The following MAGI1 variants were observed in gnomAD, a reference collection of about 807,000 sequenced individuals.
MAGI1 encodes membrane associated guanylate kinase, WW and PDZ domain containing 1.
Under a neutral mutation model 139.9 loss-of-function variants are expected in MAGI1, and 58 were observed. That is an observed-to-expected ratio of 0.41 (90% confidence interval 0.34 to 0.52). The LOEUF (loss-of-function observed/expected upper bound fraction) is 0.52, where lower values mean the gene tolerates loss of function less well. Ranked by LOEUF, MAGI1 falls within the 20% of genes least tolerant of loss-of-function variation. The pLI, the probability that MAGI1 is intolerant of heterozygous loss-of-function variation, is 0.12. For missense variants in MAGI1, 1,874 were observed against 1,901.6 expected, an observed-to-expected ratio of 0.99 and a Z score of 0.27; for synonymous variants, 812 against 737.9, an observed-to-expected ratio of 1.10 and a Z score of -1.63.
intron 2 of MAGI1, among the ~76,000 whole-genome samples, chr3:65,616,964 T>A (rs1373174890): frequency 1.3e-5 from 2 of 152,216 alleles, no homozygotes; most frequent in Non-Finnish European, 2.9e-5. Flanking sequence ...AAGAGAAAAC[T>A]GTAAGTTCAA....
At chr3:65,549,017 A>G (rs1308274204) in intron 2 of MAGI1, among the ~76,000 whole-genome samples, 1 of 152,170 alleles carries the variant, frequency 6.6e-6, no homozygotes, top group Non-Finnish European at 1.5e-5. Flanking sequence ...AGGCGGAACG[A>G]GCCTGCGGCT....
At chr3:65,523,259 A>C (rs1442226721) in intron 2 of MAGI1, among the ~76,000 whole-genome samples, 1 of 152,182 alleles carries the variant, frequency 6.6e-6, no homozygotes, top group African/African-American at 2.4e-5. Context: ...CAAGAGTAGA[A>C]AACTCTAATT....
chr3:65,422,454 T>A (rs1221190766), intron 12 of MAGI1, among the ~76,000 whole-genome samples: 1 of 152,104 alleles, frequency 6.6e-6, no homozygotes, highest in African/African-American at 2.4e-5. Flanking sequence ...GCTGTGTGAC[T>A]GGGGGGTGGT....
At position 65,804,287 on chromosome 3, in the gene MAGI1, A is replaced by C. The variant is rs182200193; in HGVS notation, c.314-182199T>G. Reference sequence around the variant, plus strand: ...AGATGGCTTAGTAAAAAAAAAAAAAAACACACACAGTGACATCAGAACATT... The same window carrying C: ...AGATGGCTTAGTAAAAAAAAAAAAACACACACACAGTGACATCAGAACATT... On this transcript the variant is annotated intron_variant, in intron 1 of 22. Transcript: ENST00000402939. Among the ~76,000 whole-genome samples the C allele has an allele frequency of 1.8e-3, 259 of 142,810 alleles. 1 individual carries two copies. The highest frequency in any genetic ancestry group is 5.3e-3 in the African/African-American group (204 of 38,646). 93.7% of individuals were successfully genotyped at this position (142,810 alleles called of 152,430 possible). A position where few individuals can be genotyped will look rare whatever the true frequency, so the allele number is the denominator to read the frequency against.
Position 65,381,952 on chromosome 3 carries a change from C to A in MAGI1, c.2626G>T (p.Val876Leu). 2 of 1,614,158 alleles carry A rather than the reference C, an allele frequency of 1.2e-6. No homozygotes were observed. Among genetic ancestry groups the A allele is most frequent in the Non-Finnish European group, 1.7e-6 (2 of 1,180,026 alleles). Residue 876 changes from valine to leucine, a missense_variant, in exon 16 of 23, where the codon GTG (valine) becomes TTG (leucine). Around this residue, in one of 5 missense-constraint regions of MAGI1, gnomAD observed 482 missense variants for 509.6 expected, o/e 0.95. Coordinates refer to ENST00000402939, the MANE Select transcript of MAGI1 (RefSeq NM_001033057.2). ...GCAGCTTGTTGCATAAGCTGGACCA[C>A]AAGCTGGTGTGATTTTCCAATTACT... ...TPVIGKSHQL[V>L]VQLMQQAAKQ... is the part of the protein sequence containing the mutation.
At position 65,361,260 on chromosome 3, in the gene MAGI1, C is replaced by A; in HGVS notation, c.3573G>T (p.Lys1191Asn). The part of the protein sequence containing the change: ...MKHSRAIELI[K>N]NGGRRVRLFL... The stretch of plus-strand genomic sequence containing the variant: ...ACAGACGAACTCTGCGGCCACCATT[C>A]TTAATCAGTTCTATAGCTCGAGAAT... The change falls in exon 22 of 23, where the codon AAG (lysine) becomes AAT (asparagine). Residue 1191 changes from lysine (K) to asparagine (N), a missense_variant. Coordinates refer to ENST00000402939, the MANE Select transcript of MAGI1 (RefSeq NM_001033057.2). 1 of 1,614,182 alleles carries A rather than the reference C, an allele frequency of 6.2e-7. No individual in the cohort carries two copies. Among genetic ancestry groups the A allele is most frequent in the Non-Finnish European group, 8.5e-7 (1 of 1,180,020 alleles).
At chr3:65,380,801 T>A (rs147429729) in intron 16 of MAGI1, 1 of 152,212 alleles carries the variant, frequency 6.6e-6, no homozygotes, top group South Asian at 2.1e-4. Context: ...CAAAAACTCG[T>A]TCCAGCTGAC....
intron 1 of MAGI1, among the ~76,000 whole-genome samples, chr3:65,890,094 G>A (rs1575867251): frequency 2.7e-5 from 4 of 148,612 alleles, no homozygotes; most frequent in South Asian, 4.4e-4. Context: ...GGCCAGTCGC[G>A]GTGGCTCACG....
chr3:65,485,739 A>G (rs983971293), intron 3 of MAGI1, among the ~76,000 whole-genome samples: 4 of 152,232 alleles, frequency 2.6e-5, no homozygotes, highest in African/African-American at 9.6e-5. Context: ...TTTATAAACA[A>G]TCTTAGAGAA....
At chr3:65,898,915 G>T (rs1479037866) in intron 1 of MAGI1, among the ~76,000 whole-genome samples, 1 of 151,980 alleles carries the variant, frequency 6.6e-6, no homozygotes, top group Non-Finnish European at 1.5e-5. Context: ...AATAATTAAA[G>T]AAAATTTAAA....
In MAGI1 at chr3:65,752,070, A is replaced by T. The variant is rs139190698; in HGVS notation, c.314-129982T>A. On this transcript the variant is annotated intron_variant, in intron 1 of 22. Coordinates refer to ENST00000402939, the MANE Select transcript of MAGI1 (RefSeq NM_001033057.2). The stretch of plus-strand genomic sequence containing the variant: ...CCATCATCCCGCCTCAGCCCCTCCA[A>T]GTAGCTGGGACTACAGGCGCAACTC... 9.0e-3 allele frequency among the ~76,000 whole-genome samples: 1,370 copies of T among 152,248 alleles called. 20 individuals are homozygous for T. Among genetic ancestry groups the T allele is most frequent in the African/African-American group, 0.031 (1,304 of 41,532 alleles).
intron 1 of MAGI1, among the ~76,000 whole-genome samples, chr3:65,929,013 CCA>C (rs2062662324): frequency 6.6e-6 from 1 of 151,976 alleles, no homozygotes; most frequent in Non-Finnish European, 1.5e-5. Flanking sequence ...AGGCCCAGAA[CCA>C]CAGAGACTCA....
chr3:65,781,174 T>C (rs1446651000), intron 1 of MAGI1, among the ~76,000 whole-genome samples: 3 of 151,672 alleles, frequency 2.0e-5, no homozygotes, highest in Non-Finnish European at 2.9e-5. Flanking sequence ...CCAGCCTGAG[T>C]GACAGATCAA....
At chr3:65,577,965 C>T (rs1015984859) in intron 2 of MAGI1, among the ~76,000 whole-genome samples, 1 of 152,216 alleles carries the variant, frequency 6.6e-6, no homozygotes, top group African/African-American at 2.4e-5. Flanking sequence ...CACTCTCACA[C>T]ACGACTTGTG....
At chr3:65,975,691 G>A (rs1427931901) in intron 1 of MAGI1, among the ~76,000 whole-genome samples, 5 of 151,858 alleles carry the variant, frequency 3.3e-5, no homozygotes, top group Admixed American at 2.6e-4. Context: ...GATGATTTTT[G>A]CATCACCAAA....
intron 1 of MAGI1, among the ~76,000 whole-genome samples, chr3:65,631,999 G>C (rs1056264322): frequency 1.3e-5 from 2 of 150,918 alleles, no homozygotes; most frequent in Non-Finnish European, 2.9e-5. Context: ...CACTCCAGCC[G>C]GGGCAACAGA....
At chr3:65,690,881 G>A (rs1418894319) in intron 1 of MAGI1, among the ~76,000 whole-genome samples, 2 of 149,714 alleles carry the variant, frequency 1.3e-5, no homozygotes, top group East Asian at 4.2e-4. Context: ...ATAATACTAT[G>A]ATATTCTGAG....
At chr3:65,699,053 A>G (rs1280910369) in intron 1 of MAGI1, among the ~76,000 whole-genome samples, 17 of 121,884 alleles carry the variant, frequency 1.4e-4, no homozygotes, top group Non-Finnish European at 1.7e-4. Flanking sequence ...AACCCCATCA[A>G]AAAGTGGGCG....
intron 4 of MAGI1, among the ~76,000 whole-genome samples, chr3:65,473,986 T>A (rs1950713612): frequency 6.6e-6 from 1 of 152,274 alleles, no homozygotes; most frequent in East Asian, 1.9e-4. Flanking sequence ...AAATCTTTTG[T>A]TGGGCATGGT....
Sources: allele counts gnomAD v4.1 joint callset (sites outside exome capture counted in the v4.1 genomes callset), GRCh38; gene constraint gnomAD v4.1.1; regional missense constraint gnomAD v4.1.1; transcripts MANE v1.5; gene names NCBI Gene and HGNC (gene_info 2026-07-23, HGNC 2026-07-21).